The following ASIC2 variants were observed in gnomAD, a reference collection of about 807,000 sequenced individuals.
ASIC2 encodes acid-sensing ion channel 2.
ASIC2 carries 25 observed loss-of-function variants against 57.3 expected under a neutral mutation model. That is an observed-to-expected ratio of 0.44 (90% CI 0.32 to 0.61). The LOEUF (loss-of-function observed/expected upper bound fraction) is 0.61, where lower values mean the gene tolerates loss of function less well. ASIC2 is among the 20% of genes least tolerant of loss of function. The pLI is 0.06. For missense variants in ASIC2, 641 were observed against 738.1 expected (o/e 0.87, Z 1.52); for synonymous variants, 319 against 307.5 (o/e 1.04, Z -0.39).
chr17:33,344,501 T>G (rs1907867710), intron 1 of ASIC2, among the ~76,000 whole-genome samples: 1 of 152,154 alleles, frequency 6.6e-6, no homozygotes, highest in Non-Finnish European at 1.5e-5. Flanking sequence ...AACAACTGAA[T>G]TATAATCCTG....
intron 1 of ASIC2, among the ~76,000 whole-genome samples, chr17:33,963,516 A>G (rs915475): frequency 0.74 from 113,265 of 152,158 alleles, 42,389 homozygotes; most frequent in African/African-American, 0.83. Flanking sequence ...GAGGGGAAGT[A>G]ACTTAAATAT....
At chr17:33,319,209 C>G (rs1050019647) in intron 1 of ASIC2, among the ~76,000 whole-genome samples, 2 of 151,962 alleles carry the variant, frequency 1.3e-5, no homozygotes, top group African/African-American at 4.8e-5. Flanking sequence ...CAGTCTGGGT[C>G]ACAGAGCGAG....
chr17:33,096,270 C>T (rs568886283), intron 2 of ASIC2, among the ~76,000 whole-genome samples: 301 of 152,336 alleles, frequency 2.0e-3, no homozygotes, highest in Middle Eastern at 3.4e-3. Context: ...AGAGCTGGAG[C>T]CTCACAGCAG....
chr17:33,742,846 G>T (rs955927349), intron 1 of ASIC2, among the ~76,000 whole-genome samples: 1 of 152,224 alleles, frequency 6.6e-6, no homozygotes, highest in Non-Finnish European at 1.5e-5. Context: ...TGGGTGCAGG[G>T]TGGCATGATC....
chr17:33,812,198 C>T (rs77490255), intron 1 of ASIC2, among the ~76,000 whole-genome samples: 7,076 of 152,162 alleles, frequency 0.047, 199 homozygotes, highest in Middle Eastern at 0.092. Context: ...AGCAGGGTGA[C>T]GGCATCCTTT....
chr17:34,082,954 T>C (rs1909949897), intron 1 of ASIC2, among the ~76,000 whole-genome samples: 1 of 152,240 alleles, frequency 6.6e-6, no homozygotes. Context: ...TATGCTTCTC[T>C]TTCTTTGTAT....
At chr17:33,847,314 T>C (rs982894519) in intron 1 of ASIC2, among the ~76,000 whole-genome samples, 1 of 151,926 alleles carries the variant, frequency 6.6e-6, no homozygotes, top group Non-Finnish European at 1.5e-5. Context: ...TTTATCCACC[T>C]CACCCAGCCC....
chr17:33,973,527 T>C (rs1218922106), intron 1 of ASIC2, among the ~76,000 whole-genome samples: 2 of 152,002 alleles, frequency 1.3e-5, no homozygotes, highest in African/African-American at 4.8e-5. Context: ...AATTCCAGAG[T>C]GAAGATTGGG....
chr17:33,460,372 G>A (rs765191620), intron 1 of ASIC2, among the ~76,000 whole-genome samples: 4 of 152,182 alleles, frequency 2.6e-5, no homozygotes, highest in East Asian at 1.9e-4. Context: ...AAGCTGGGAG[G>A]TGGGAATTAG....
intron 1 of ASIC2, among the ~76,000 whole-genome samples, chr17:33,592,494 A>T (rs1488044803): frequency 6.6e-6 from 1 of 152,276 alleles, no homozygotes; most frequent in Non-Finnish European, 1.5e-5. Flanking sequence ...GAGTTAGAAT[A>T]CAACTTACAA....
intron 1 of ASIC2, among the ~76,000 whole-genome samples, chr17:33,565,279 C>A (rs1916198697): frequency 6.6e-6 from 1 of 152,158 alleles, no homozygotes; most frequent in African/African-American, 2.4e-5. Flanking sequence ...ACCCTCATTG[C>A]CTTCTTTGGG....
chr17:33,647,199 C>G lies in ASIC2; in HGVS notation c.555+508779G>C, dbSNP rs577045637. Reference sequence around the variant, plus strand: ...CATCTTGCTGCCTCTGTTTATCAATCTGTCAAATTGGAGAAATAATCCGTT... The same window carrying G: ...CATCTTGCTGCCTCTGTTTATCAATGTGTCAAATTGGAGAAATAATCCGTT... On this transcript the variant is annotated intron_variant, in intron 1 of 9. Transcript: ENST00000359872. Among the ~76,000 whole-genome samples the G allele has an allele frequency of 1.2e-3, 186 of 152,252 alleles. 1 individual carries two copies. The highest frequency in any genetic ancestry group is 4.3e-3 in the African/African-American group (179 of 41,532).
At chr17:33,782,247 C>T (rs906460066) in intron 1 of ASIC2, among the ~76,000 whole-genome samples, 3 of 152,046 alleles carry the variant, frequency 2.0e-5, no homozygotes, top group Non-Finnish European at 4.4e-5. Context: ...GTCCTGGGGC[C>T]TTTATCTTAT....
chr17:33,191,308 A>T (rs1443828397), intron 1 of ASIC2, among the ~76,000 whole-genome samples: 1 of 152,184 alleles, frequency 6.6e-6, no homozygotes, highest in Non-Finnish European at 1.5e-5. Flanking sequence ...ACGGATCAGT[A>T]GTTTCCTTGG....
intron 1 of ASIC2, among the ~76,000 whole-genome samples, chr17:33,669,238 G>C (rs1039057428): frequency 6.6e-6 from 1 of 152,126 alleles, no homozygotes; most frequent in Non-Finnish European, 1.5e-5. Context: ...ATCTACCCCA[G>C]GCACCACACA....
chr17:33,781,582 C>A (rs774513440), intron 1 of ASIC2, among the ~76,000 whole-genome samples: 12 of 152,128 alleles, frequency 7.9e-5, no homozygotes, highest in Non-Finnish European at 1.3e-4. Context: ...GTCATGAAAA[C>A]CATGATGGAA....
intron 1 of ASIC2, among the ~76,000 whole-genome samples, chr17:33,452,968 A>T (rs189910729): frequency 6.6e-6 from 1 of 152,276 alleles, no homozygotes; most frequent in East Asian, 1.9e-4. Context: ...AGACTCATGA[A>T]ATGACAGGGC....
chr17:34,065,378 G>A (rs1370623428), intron 1 of ASIC2, among the ~76,000 whole-genome samples: 1 of 152,090 alleles, frequency 6.6e-6, no homozygotes, highest in African/African-American at 2.4e-5. Flanking sequence ...AGGGGAGCTA[G>A]GGATAAAAGA....
At position 33,107,090 on chromosome 17, in the gene ASIC2, C is replaced by T. The variant is rs372459918; in HGVS notation, c.859+4827G>A. On this transcript the variant is annotated intron_variant, in intron 2 of 9. Coordinates refer to ENST00000225823, the MANE Select transcript of ASIC2 (RefSeq NM_183377.2). ...TTGATTCAGGTTTCTCATGTGCAAC[C>T]TAGATAACCCACCGCCTATTCCTTT... Among the ~76,000 whole-genome samples, 23 of 152,266 alleles carry T rather than the reference C, an allele frequency of 1.5e-4. No individual in the cohort carries two copies. In the East Asian group the frequency reaches 2.7e-3, roughly 18 times the overall value.
Sources: gnomAD v4.1 joint callset for allele counts (sites outside exome capture counted in the v4.1 genomes callset) on GRCh38, gnomAD v4.1.1 for gene constraint, MANE v1.5 for transcripts, NCBI Gene and HGNC (gene_info 2026-07-23, HGNC 2026-07-21) for gene names.